CSMD1: variants seen among roughly 807,000 people sequenced by gnomAD.
CSMD1 encodes the protein CUB and sushi domain-containing protein 1.
A neutral mutation model predicts 417.5 loss-of-function variants in CSMD1; 213 were observed. That is an observed-to-expected ratio of 0.51 (90% CI 0.46 to 0.57). The LOEUF (loss-of-function observed/expected upper bound fraction) is 0.57, where lower values mean the gene tolerates loss of function less well. Ranked by LOEUF, CSMD1 falls within the 20% of genes least tolerant of loss-of-function variation. The pLI, the probability that CSMD1 is intolerant of heterozygous loss-of-function variation, is 0.00. For synonymous variants in CSMD1, 2,862 were observed against 1,736.8 expected (o/e 1.65, Z -16.11); for missense variants, 6,923 against 4,529.7 (o/e 1.53, Z -15.17).
intron 3 of CSMD1, among the ~76,000 whole-genome samples, chr8:4,415,516 G>A (rs961910297): frequency 1.3e-5 from 2 of 152,104 alleles, no homozygotes; most frequent in Non-Finnish European, 2.9e-5. Context: ...TCTTTCCCTT[G>A]CTCTTCCGCC....
intron 3 of CSMD1, among the ~76,000 whole-genome samples, chr8:4,091,939 T>C (rs1800743725): frequency 6.6e-6 from 1 of 152,300 alleles, no homozygotes; most frequent in Admixed American, 6.5e-5. Flanking sequence ...TTTAAAAATG[T>C]CATTGAGGAA....
chr8:3,124,866 T>A (rs1398734969), intron 41 of CSMD1, among the ~76,000 whole-genome samples: 1 of 152,230 alleles, frequency 6.6e-6, no homozygotes. Flanking sequence ...TTCAGAATTA[T>A]CTCAAGAATT....
rs187411674 is a variant in CSMD1, at chr8:3,433,246, G to C, written c.1562-23641C>G. ...GACATAGAGATGTAGTTACTTTTCT[G>C]TTTCTTCAAAATTCTTCTAACTTAT... On this transcript the variant is annotated intron_variant, in intron 12 of 69. Coordinates refer to ENST00000635120, the MANE Select transcript of CSMD1 (RefSeq NM_033225.6). Among the ~76,000 whole-genome samples the C allele has an allele frequency of 1.3e-3, 196 of 152,198 alleles. 1 individual carries two copies. Among genetic ancestry groups the C allele is most frequent in the Admixed American group, 0.011 (171 of 15,292 alleles).
At chr8:4,221,405 C>G (rs1311420890) in intron 3 of CSMD1, among the ~76,000 whole-genome samples, 2 of 150,790 alleles carry the variant, frequency 1.3e-5, no homozygotes, top group Non-Finnish European at 2.9e-5. Context: ...AACACATTGA[C>G]AGCAGCAAAA....
At chr8:3,496,541 T>C (rs1796372435) in intron 10 of CSMD1, among the ~76,000 whole-genome samples, 2 of 152,188 alleles carry the variant, frequency 1.3e-5, no homozygotes, top group African/African-American at 2.4e-5. Context: ...CTATATCTCA[T>C]AGGTTTTGGT....
At position 3,004,243 on chromosome 8, in the gene CSMD1, T is replaced by C. The variant is rs148839112; in HGVS notation, c.8030-4112A>G. 4.7e-3 allele frequency among the ~76,000 whole-genome samples: 720 copies of C among 152,302 alleles called. 7 individuals are homozygous for C. Among genetic ancestry groups the C allele is most frequent in the African/African-American group, 0.016 (668 of 41,548 alleles). On this transcript the variant is annotated intron_variant, in intron 52 of 69. Transcript: ENST00000635120. The stretch of plus-strand genomic sequence containing the variant: ...TGATTTGTCTTGATTTTGCAGACTT[T>C]GTTTATTTATTATTCATTGACGTTT...
chr8:4,148,846 C>G (rs570396360), intron 3 of CSMD1, among the ~76,000 whole-genome samples: 1 of 152,218 alleles, frequency 6.6e-6, no homozygotes, highest in Admixed American at 6.5e-5. Context: ...TGGCTTGTGT[C>G]CTGGGAAAGA....
At chr8:4,085,681 A>G (rs1800381288) in intron 3 of CSMD1, among the ~76,000 whole-genome samples, 1 of 152,226 alleles carries the variant, frequency 6.6e-6, no homozygotes, top group Non-Finnish European at 1.5e-5. Flanking sequence ...TTCCAGGATA[A>G]TGCTCTAATA....
chr8:3,753,191 C>A (rs2623728), intron 6 of CSMD1, among the ~76,000 whole-genome samples: 28,903 of 151,962 alleles, frequency 0.19, 3,097 homozygotes, highest in African/African-American at 0.28. Context: ...AGCTTAGGCA[C>A]TTTGATTGGG....
intron 23 of CSMD1, among the ~76,000 whole-genome samples, chr8:3,327,600 T>G (rs1030049407): frequency 6.6e-6 from 1 of 152,200 alleles, no homozygotes; most frequent in African/African-American, 2.4e-5. Flanking sequence ...TAAGAATTCG[T>G]AGGATAATTG....
chr8:4,162,391 G>C (rs891762743), intron 3 of CSMD1, among the ~76,000 whole-genome samples: 1 of 152,058 alleles, frequency 6.6e-6, no homozygotes, highest in African/African-American at 2.4e-5. Flanking sequence ...GTTTTATCTT[G>C]ACAGTAAATC....
At chr8:4,348,747 T>C (rs111801785) in intron 3 of CSMD1, among the ~76,000 whole-genome samples, 1 of 152,102 alleles carries the variant, frequency 6.6e-6, no homozygotes, top group Non-Finnish European at 1.5e-5. Flanking sequence ...AGACCGTGAG[T>C]TAAAATTGTA....
At chr8:4,544,176 A>G (rs1468126480) in intron 2 of CSMD1, among the ~76,000 whole-genome samples, 1 of 152,156 alleles carries the variant, frequency 6.6e-6, no homozygotes, top group African/African-American at 2.4e-5. Flanking sequence ...TGTTGTATGT[A>G]AAAACCATTG....
chr8:2,959,979 TCC>T, intron 62 of CSMD1, among the ~76,000 whole-genome samples: 1 of 152,322 alleles, frequency 6.6e-6, no homozygotes, highest in Non-Finnish European at 1.5e-5. Flanking sequence ...GAAGGATTTA[TCC>T]AACCCTATTA....
At chr8:3,312,817 A>T (rs58656441) in intron 23 of CSMD1, among the ~76,000 whole-genome samples, 1 of 147,144 alleles carries the variant, frequency 6.8e-6, no homozygotes, top group African/African-American at 2.5e-5. Flanking sequence ...GTTAGACTTC[A>T]ATCTGGTGTT....
intron 1 of CSMD1, among the ~76,000 whole-genome samples, chr8:4,803,866 G>T (rs559981806): frequency 6.6e-6 from 1 of 152,098 alleles, no homozygotes; most frequent in Non-Finnish European, 1.5e-5. Flanking sequence ...TTTTTTGTAA[G>T]AATTTAATGA....
intron 7 of CSMD1, among the ~76,000 whole-genome samples, chr8:3,662,879 T>G (rs560554282): frequency 4.6e-5 from 7 of 151,942 alleles, no homozygotes; most frequent in African/African-American, 1.2e-4. Context: ...AGGACAAATA[T>G]GTAATGCATG....
rs185199387 is a variant in CSMD1, at chr8:3,708,498, G to A, written c.932-7C>T. 8.8e-3 allele frequency: 14,169 copies of A among 1,613,162 alleles called. 83 individuals carry two copies. Among genetic ancestry groups the A allele is most frequent in the Middle Eastern group, 0.016 (100 of 6,062 alleles). On this transcript the variant is annotated splice_polypyrimidine_tract_variant and splice_region_variant and intron_variant, in intron 6 of 69. Coordinates refer to ENST00000635120, the MANE Select transcript of CSMD1 (RefSeq NM_033225.6). ...AACTCAATCGCCTTTTTCACTGGAA[G>A]AAACAAAACCAAGCCATTAGCAGGT...
chr8:4,311,556 C>G (rs959988598), intron 3 of CSMD1, among the ~76,000 whole-genome samples: 1 of 151,890 alleles, frequency 6.6e-6, no homozygotes, highest in Non-Finnish European at 1.5e-5. Flanking sequence ...AACCCTGTCT[C>G]TACTAAAAAT....
Sources: allele counts gnomAD v4.1 joint callset (sites outside exome capture counted in the v4.1 genomes callset), GRCh38; gene constraint gnomAD v4.1.1; transcripts MANE v1.5; gene names NCBI Gene and HGNC (gene_info 2026-07-23, HGNC 2026-07-21).